The following CNMD variants were observed in gnomAD, a reference collection of about 807,000 sequenced individuals.
CNMD encodes the protein leukocyte cell-derived chemotaxin 1.
CNMD carries 30 observed loss-of-function variants against 37.5 expected under a neutral mutation model. The observed-to-expected ratio is 0.80, with a 90% confidence interval of 0.60 to 1.09. CNMD has a LOEUF of 1.09. CNMD is among the 50% of genes least tolerant of loss of function. The probability of loss-of-function intolerance (pLI) is 0.00; values close to 1 mark genes in which losing one functional copy is unlikely to be tolerated. For synonymous variants in CNMD, 167 were observed against 148.2 expected (o/e 1.13, Z -0.92); for missense variants, 398 against 423.9 (o/e 0.94, Z 0.54).
Position 52,739,473 on chromosome 13 carries a change from C to G in CNMD, c.72+157G>C, listed in dbSNP as rs1030232908. The stretch of plus-strand genomic sequence containing the variant: ...GTGGATGCCGTGACCCCTGCACACT[C>G]ATACGCGTGGGGCGACATCCCACCC... On this transcript the variant is annotated intron_variant, in intron 1 of 6. Transcript: ENST00000377962. This position sits in a 1 kb window ranked among gnomAD's most constrained non-coding sequence, Gnocchi z 5.4. 2.7e-6 allele frequency: 2 copies of G among 734,618 alleles called. No homozygotes were observed. The highest frequency in any genetic ancestry group is 4.7e-6 in the Non-Finnish European group (2 of 427,878). 45.5% of individuals were successfully genotyped at this position (734,618 alleles called of 1,614,324 possible). A position where few individuals can be genotyped will look rare whatever the true frequency, so the allele number is the denominator to read the frequency against.
intron 4 of CNMD, among the ~76,000 whole-genome samples, chr13:52,723,023 G>T (rs190771255): frequency 6.6e-6 from 1 of 152,174 alleles, no homozygotes; most frequent in Non-Finnish European, 1.5e-5. Context: ...TGTGTGATCC[G>T]CTATTGTGGG....
intron 4 of CNMD, among the ~76,000 whole-genome samples, chr13:52,715,061 G>T (rs1964348958): frequency 6.6e-6 from 1 of 152,004 alleles, no homozygotes; most frequent in Non-Finnish European, 1.5e-5. Context: ...GGTTACCTAA[G>T]ATATTTTGAT....
At chr13:52,729,094 T>C (rs1964622107) in intron 3 of CNMD, among the ~76,000 whole-genome samples, 1 of 152,216 alleles carries the variant, frequency 6.6e-6, no homozygotes, top group African/African-American at 2.4e-5. Context: ...TGATGTAATC[T>C]TACCTTGGCT....
At chr13:52,711,637 G>A (rs1449513319) in intron 5 of CNMD, among the ~76,000 whole-genome samples, 1 of 152,184 alleles carries the variant, frequency 6.6e-6, no homozygotes, top group African/African-American at 2.4e-5. Flanking sequence ...AATGAGACTT[G>A]TGAACCATAA....
rs374063330 is a variant in CNMD, at chr13:52,739,021, C to T, written c.213+10G>A. 574 of 1,568,886 alleles carry T rather than the reference C, an allele frequency of 3.7e-4. No individual in the cohort carries two copies. The highest frequency in any genetic ancestry group is 4.8e-4 in the Non-Finnish European group (555 of 1,162,178). On this transcript the variant is annotated intron_variant, in intron 2 of 6. Transcript: ENST00000377962. The surrounding 1 kb of genome is among the most constrained non-coding windows in gnomAD (Gnocchi z 5.4). ...CACGGGGGTCCCCGCGCGCCGCCCTCTGGACTTACGTGACTGTCGCTCCCC... is the reference window on the plus strand; with the variant it reads ...CACGGGGGTCCCCGCGCGCCGCCCTTTGGACTTACGTGACTGTCGCTCCCC...
chr13:52,727,608 A>G (rs1020458034), intron 3 of CNMD, among the ~76,000 whole-genome samples: 2 of 152,174 alleles, frequency 1.3e-5, no homozygotes, highest in African/African-American at 4.8e-5. Context: ...ATGGAATACT[A>G]TTTGGCCATA....
At chr13:52,716,619 G>A (rs1056975598) in intron 4 of CNMD, among the ~76,000 whole-genome samples, 10 of 152,028 alleles carry the variant, frequency 6.6e-5, no homozygotes, top group South Asian at 4.1e-4. Flanking sequence ...TTTCCCCATC[G>A]CTTGTTTTTG....
chr13:52,714,857 A>G (rs564411106), intron 4 of CNMD, among the ~76,000 whole-genome samples: 62 of 152,182 alleles, frequency 4.1e-4, no homozygotes, highest in Non-Finnish European at 8.5e-4. Context: ...TTTATTATCT[A>G]TACTTTTTTT....
chr13:52,724,924 TA>T (rs1964548116), intron 3 of CNMD, among the ~76,000 whole-genome samples: 1 of 151,722 alleles, frequency 6.6e-6, no homozygotes, highest in African/African-American at 2.4e-5. Flanking sequence ...CAAACAAGAA[TA>T]GAGATAAAGT....
At chr13:52,711,071 A>G (rs1964282737) in intron 5 of CNMD, among the ~76,000 whole-genome samples, 1 of 152,192 alleles carries the variant, frequency 6.6e-6, no homozygotes, top group African/African-American at 2.4e-5. Context: ...GCTGCAATGC[A>G]AAACTCCCTG....
rs778451015 is a variant in CNMD at position 52,703,812 on chromosome 13, T to A, written c.790-2A>T. On this transcript the variant is annotated splice_acceptor_variant, in intron 6 of 6. Coordinates refer to ENST00000377962, the MANE Select transcript of CNMD (RefSeq NM_007015.3). LOFTEE classifies it high-confidence loss of function. The stretch of plus-strand genomic sequence containing the variant: ...TGTCATGCTTTCCCCTTCCTGCTGC[T>A]GTGAAATAAAAGATAATTATTTGTG... 6.2e-7 allele frequency: 1 copy of A among 1,605,676 alleles called. No homozygotes were observed.
Position 52,739,508 on chromosome 13 carries a change from G to T in CNMD, c.72+122C>A. On this transcript the variant is annotated intron_variant, in intron 1 of 6. Coordinates refer to ENST00000377962, the MANE Select transcript of CNMD (RefSeq NM_007015.3). The surrounding 1 kb of genome is among the most constrained non-coding windows in gnomAD (Gnocchi z 5.4). The stretch of plus-strand genomic sequence containing the variant: ...GGGCGACATCCCACCCACACATTTG[G>T]GACCCAAATTTATCCCCCCGCCAAC... 2.2e-6 allele frequency: 2 copies of T among 906,520 alleles called. No homozygotes were observed. The highest frequency in any genetic ancestry group is 1.8e-6 in the Non-Finnish European group (1 of 562,512). The allele number at this position is 906,520 out of a possible 1,614,324, so 56.2% of individuals were successfully genotyped here.
intron 4 of CNMD, among the ~76,000 whole-genome samples, chr13:52,723,648 G>C (rs1044772674): frequency 6.6e-6 from 1 of 152,122 alleles, no homozygotes; most frequent in African/African-American, 2.4e-5. Flanking sequence ...TGTGCCTTTA[G>C]GCTGGGCGCG....
In CNMD at chr13:52,739,545, G is replaced by A; in HGVS notation, c.72+85C>T. The A allele has an allele frequency of 1.6e-6, 2 of 1,233,124 alleles. No individual in the cohort carries two copies. The highest frequency in any genetic ancestry group is 1.7e-5 in the Admixed American group (1 of 57,996). 76.4% of individuals were successfully genotyped at this position (1,233,124 alleles called of 1,614,324 possible). On this transcript the variant is annotated intron_variant, in intron 1 of 6. Coordinates refer to ENST00000377962, the MANE Select transcript of CNMD (RefSeq NM_007015.3). The surrounding 1 kb of genome is among the most constrained non-coding windows in gnomAD (Gnocchi z 5.4). ...ATCCCCCCGCCAACACACCCATTCG[G>A]TGGCACGCACCCCTGAGTCCGAACT... is the stretch of plus-strand genomic sequence containing the variant.
At chr13:52,721,120 A>G (rs1213136055) in intron 4 of CNMD, among the ~76,000 whole-genome samples, 7 of 152,106 alleles carry the variant, frequency 4.6e-5, no homozygotes, top group African/African-American at 1.7e-4. Context: ...CTGCCTACTC[A>G]AGCCTCAGTG....
intron 2 of CNMD, 70 bp downstream of exon 2, chr13:52,738,961 C>G: frequency 7.3e-7 from 1 of 1,362,780 alleles, no homozygotes; most frequent in East Asian, 2.9e-5. Flanking sequence ...CTCGCCGGCC[C>G]GCGCTCGGGC....
intron 4 of CNMD, among the ~76,000 whole-genome samples, chr13:52,715,344 C>T (rs1361223740): frequency 6.6e-6 from 1 of 151,978 alleles, no homozygotes; most frequent in Non-Finnish European, 1.5e-5. Flanking sequence ...TCCATGAGTT[C>T]AACTGTTTTA....
At chr13:52,719,655 C>T (rs766996574) in intron 4 of CNMD, among the ~76,000 whole-genome samples, 41 of 152,130 alleles carry the variant, frequency 2.7e-4, no homozygotes, top group Non-Finnish European at 5.4e-4. Context: ...ATATTGGCCC[C>T]CACTCTCTTT....
chr13:52,708,169 A>C (rs1205711390), intron 6 of CNMD, among the ~76,000 whole-genome samples: 1 of 129,918 alleles, frequency 7.7e-6, no homozygotes, highest in Non-Finnish European at 1.6e-5. Context: ...CCTCAAGTAC[A>C]AACACCATTT....
Sources: gnomAD v4.1 joint callset for allele counts (sites outside exome capture counted in the v4.1 genomes callset) on GRCh38, gnomAD v4.1.1 for gene constraint, Gnocchi (gnomAD v3.1) non-coding constraint, MANE v1.5 for transcripts, NCBI Gene and HGNC (gene_info 2026-07-23, HGNC 2026-07-21) for gene names.